Variants in ENTREP2 observed in about 807,000 individuals in gnomAD.
The protein encoded by ENTREP2 is endosomal transmembrane epsin interactor 2.
the ENTREP2 span, among the ~76,000 whole-genome samples, chr15:29,653,585 T>G: frequency 6.6e-6 from 1 of 152,234 alleles, no homozygotes; most frequent in East Asian, 1.9e-4. Flanking sequence ...TAGTTCCTCC[T>G]GCATTCCTTC....
chr15:29,632,880 G>C, the ENTREP2 span, among the ~76,000 whole-genome samples: 1 of 152,158 alleles, frequency 6.6e-6, no homozygotes. Flanking sequence ...GTTTCTTCCT[G>C]GAAGCCCAGT....
chr15:29,197,084 C>T, the ENTREP2 span, among the ~76,000 whole-genome samples: 2 of 152,212 alleles, frequency 1.3e-5, no homozygotes, highest in African/African-American at 4.8e-5. Context: ...TGCATCTTAT[C>T]ACCACAGTAT....
At chr15:29,409,382 C>T in the ENTREP2 span, among the ~76,000 whole-genome samples, 2 of 151,290 alleles carry the variant, frequency 1.3e-5, no homozygotes, top group East Asian at 3.9e-4. Context: ...CGCTTTGTTG[C>T]CCAGGCAATC....
At chr15:29,586,035 T>C in the ENTREP2 span, among the ~76,000 whole-genome samples, 4 of 152,182 alleles carry the variant, frequency 2.6e-5, no homozygotes, top group African/African-American at 7.2e-5. Context: ...GACAGCACTA[T>C]GATTCATAAT....
chr15:29,214,564 G>A, the ENTREP2 span, among the ~76,000 whole-genome samples: 1 of 152,140 alleles, frequency 6.6e-6, no homozygotes, highest in Non-Finnish European at 1.5e-5. Flanking sequence ...GGGAGGGATA[G>A]CATTAGGAGA....
At chr15:29,350,324 CTT>C in the ENTREP2 span, among the ~76,000 whole-genome samples, 12,906 of 152,072 alleles carry the variant, frequency 0.085, 745 homozygotes, top group Non-Finnish European at 0.12. Context: ...TCTGAAATCT[CTT>C]GTTTATATTA....
the ENTREP2 span, among the ~76,000 whole-genome samples, chr15:29,214,013 G>C: frequency 6.9e-6 from 1 of 144,416 alleles, no homozygotes; most frequent in East Asian, 2.3e-4. Flanking sequence ...CAGTTAGAAT[G>C]GCGATCATTA....
the ENTREP2 span, among the ~76,000 whole-genome samples, chr15:29,238,057 T>C: frequency 6.6e-6 from 1 of 152,214 alleles, no homozygotes; most frequent in Non-Finnish European, 1.5e-5. Flanking sequence ...CTGCAATATG[T>C]ATGAACCTTG....
At chr15:29,661,271 G>A in the ENTREP2 span, among the ~76,000 whole-genome samples, 1 of 152,168 alleles carries the variant, frequency 6.6e-6, no homozygotes, top group African/African-American at 2.4e-5. Context: ...CGAGATCTCT[G>A]CTCACTGCAA....
chr15:29,150,107 C>A, the ENTREP2 span, among the ~76,000 whole-genome samples: 1 of 152,234 alleles, frequency 6.6e-6, no homozygotes, highest in Non-Finnish European at 1.5e-5. Context: ...ACACATCACA[C>A]GTATTAGGGA....
the ENTREP2 span, chr15:29,570,690 G>T: frequency 8.6e-7 from 1 of 1,166,644 alleles, no homozygotes; most frequent in Non-Finnish European, 1.1e-6. Context: ...AGCGCGGCGG[G>T]ACGCGGCGCT....
At chr15:29,631,969 G>A in the ENTREP2 span, among the ~76,000 whole-genome samples, 92 of 152,356 alleles carry the variant, frequency 6.0e-4, no homozygotes, top group Non-Finnish European at 1.2e-3. Flanking sequence ...CAGTGCTGGA[G>A]TTGCTAAGGT....
the ENTREP2 span, among the ~76,000 whole-genome samples, chr15:29,644,813 T>TAAA: frequency 4.1e-4 from 25 of 61,234 alleles, no homozygotes; most frequent in Admixed American, 5.2e-4. Flanking sequence ...TCCATCTCCA[T>TAAA]AAAAAAAAAA....
At chr15:29,344,931 G>GACACACAC in the ENTREP2 span, among the ~76,000 whole-genome samples, 1,172 of 142,596 alleles carry the variant, frequency 8.2e-3, 16 homozygotes, top group South Asian at 0.04. Flanking sequence ...CACGCGCGCA[G>GACACACAC]ACACACACAC....
chr15:29,254,161 C>CA, the ENTREP2 span, among the ~76,000 whole-genome samples: 2,201 of 61,314 alleles, frequency 0.036, 405 homozygotes, highest in East Asian at 0.11. Flanking sequence ...TGTTAAAGAG[C>CA]AAAAAAAAAA....
chr15:29,380,615 G>GA, the ENTREP2 span, among the ~76,000 whole-genome samples: 3 of 151,938 alleles, frequency 2.0e-5, no homozygotes, highest in Non-Finnish European at 4.4e-5. Context: ...TTTTCCGAGG[G>GA]AAAAACCATT....
the ENTREP2 span, among the ~76,000 whole-genome samples, chr15:29,659,546 A>G: frequency 6.6e-6 from 1 of 152,212 alleles, no homozygotes; most frequent in Non-Finnish European, 1.5e-5. Flanking sequence ...ATGAAACAGA[A>G]CAGACTGGAA....
chr15:29,448,720 T>C, the ENTREP2 span, among the ~76,000 whole-genome samples: 4 of 152,226 alleles, frequency 2.6e-5, no homozygotes, highest in Non-Finnish European at 1.5e-5. Context: ...AACTCTTCCA[T>C]ATGATAAATA....
At chr15:29,664,274 G>T in the ENTREP2 span, among the ~76,000 whole-genome samples, 1 of 152,130 alleles carries the variant, frequency 6.6e-6, no homozygotes, top group African/African-American at 2.4e-5. Context: ...CGTGAGAGGT[G>T]CACTCTGGTC....
Sources: allele counts gnomAD v4.1 joint callset (sites outside exome capture counted in the v4.1 genomes callset), GRCh38; gene constraint gnomAD v4.1.1; transcripts MANE v1.5; gene names NCBI Gene and HGNC (gene_info 2026-07-23, HGNC 2026-07-21).